SCMH1: variants seen among roughly 807,000 people sequenced by gnomAD.
The protein encoded by SCMH1 is Scm polycomb group protein homolog 1.
Under a neutral mutation model 70.8 loss-of-function variants are expected in SCMH1, and 37 were observed. The observed-to-expected ratio is 0.52, with a 90% CI of 0.40 to 0.69. The LOEUF is 0.69. Among genes scored for constraint, SCMH1 ranks in the 30% least tolerant of loss-of-function variants. The pLI is 0.00. For missense variants in SCMH1, 607 were observed against 827.3 expected (o/e 0.73, Z 3.27); for synonymous variants, 292 against 307.4 (o/e 0.95, Z 0.52).
intron 2 of SCMH1, among the ~76,000 whole-genome samples, chr1:41,173,918 T>C (rs1455924893): frequency 6.6e-6 from 1 of 151,818 alleles, no homozygotes; most frequent in African/African-American, 2.4e-5. Flanking sequence ...GTTGACCTCA[T>C]AGTAGACAGA....
intron 13 of SCMH1, among the ~76,000 whole-genome samples, chr1:41,030,688 G>A (rs898398215): frequency 7.2e-5 from 11 of 151,826 alleles, no homozygotes; most frequent in African/African-American, 2.4e-4. Context: ...AGTACATATC[G>A]TTACCTAAAA....
intron 1 of SCMH1, among the ~76,000 whole-genome samples, chr1:41,241,823 C>T (rs1452941274): frequency 1.3e-5 from 2 of 151,862 alleles, no homozygotes; most frequent in African/African-American, 4.8e-5. Context: ...CCCCGCCCGC[C>T]CGACCGCAGA....
chr1:41,211,331 A>T (rs949153241), intron 1 of SCMH1, among the ~76,000 whole-genome samples: 3 of 152,232 alleles, frequency 2.0e-5, no homozygotes, highest in African/African-American at 7.2e-5. Context: ...AAAAAAACAA[A>T]CAACCCCATC....
intron 5 of SCMH1, among the ~76,000 whole-genome samples, chr1:41,146,318 T>C (rs886756195): frequency 2.6e-5 from 4 of 152,160 alleles, no homozygotes; most frequent in African/African-American, 9.7e-5. Context: ...ATTAAGTTTA[T>C]AAAGCGAAAA....
chr1:41,099,463 T>C (rs1167282324), intron 8 of SCMH1, among the ~76,000 whole-genome samples: 1 of 152,220 alleles, frequency 6.6e-6, no homozygotes, highest in East Asian at 1.9e-4. Flanking sequence ...CATTCATTAA[T>C]TTACCCCATA....
intron 10 of SCMH1, among the ~76,000 whole-genome samples, chr1:41,053,884 G>A (rs1055215888): frequency 6.6e-5 from 10 of 151,074 alleles, no homozygotes; most frequent in African/African-American, 9.8e-5. Context: ...TTGCTCTGTC[G>A]CCCAGGCTGG....
chr1:41,098,549 C>T (rs1665707145), intron 8 of SCMH1: 1 of 152,074 alleles, frequency 6.6e-6, no homozygotes, highest in Non-Finnish European at 1.5e-5. Flanking sequence ...AGTGAAGTGA[C>T]AGTAAATTGC....
intron 6 of SCMH1, among the ~76,000 whole-genome samples, chr1:41,142,484 C>A (rs1393558170): frequency 6.6e-6 from 1 of 152,148 alleles, no homozygotes; most frequent in Non-Finnish European, 1.5e-5. Context: ...GATAAGAGAT[C>A]CTTATAACAG....
intron 6 of SCMH1, among the ~76,000 whole-genome samples, chr1:41,126,791 T>A (rs1459263268): frequency 1.3e-5 from 2 of 152,210 alleles, no homozygotes; most frequent in Non-Finnish European, 2.9e-5. Context: ...CTATATAACA[T>A]TCAATCAATC....
At chr1:41,148,984 G>A (rs1644831024) in intron 5 of SCMH1, among the ~76,000 whole-genome samples, 1 of 151,884 alleles carries the variant, frequency 6.6e-6, no homozygotes, top group South Asian at 2.1e-4. Flanking sequence ...GCAGAGATGG[G>A]GTTTCACCGT....
At chr1:41,135,585 CAATT>C (rs1643162335) in intron 6 of SCMH1, among the ~76,000 whole-genome samples, 1 of 152,160 alleles carries the variant, frequency 6.6e-6, no homozygotes, top group Admixed American at 6.5e-5. Flanking sequence ...AACTGTGAGT[CAATT>C]AAACCTCTTC....
chr1:41,149,534 T>C (rs887080669), intron 5 of SCMH1, among the ~76,000 whole-genome samples: 1 of 152,226 alleles, frequency 6.6e-6, no homozygotes, highest in African/African-American at 2.4e-5. Flanking sequence ...TGGTAGTCTT[T>C]GATTGAAAGT....
chr1:41,191,532 T>C (rs1437833226), intron 1 of SCMH1, among the ~76,000 whole-genome samples: 2 of 152,226 alleles, frequency 1.3e-5, no homozygotes, highest in African/African-American at 2.4e-5. Context: ...CAAAGTCACA[T>C]TGTGGTCTTT....
At chr1:41,119,832 T>C (rs902253832) in intron 6 of SCMH1, among the ~76,000 whole-genome samples, 3 of 152,090 alleles carry the variant, frequency 2.0e-5, no homozygotes, top group African/African-American at 7.2e-5. Context: ...GTTATATGAG[T>C]TAATAATTCC....
intron 8 of SCMH1, among the ~76,000 whole-genome samples, chr1:41,101,626 C>T (rs1666674061): frequency 6.6e-6 from 1 of 151,064 alleles, no homozygotes; most frequent in Non-Finnish European, 1.5e-5. Context: ...AGGTTGCCTT[C>T]CTTGAAGTGA....
chr1:41,048,191 CTG>C (rs1411373227), intron 11 of SCMH1, among the ~76,000 whole-genome samples: 5 of 152,186 alleles, frequency 3.3e-5, no homozygotes, highest in African/African-American at 1.2e-4. Flanking sequence ...GCAAAAAACA[CTG>C]TGTCACTGAA....
chr1:41,099,297 T>TA (rs1665942181), intron 8 of SCMH1, among the ~76,000 whole-genome samples: 2 of 152,226 alleles, frequency 1.3e-5, no homozygotes, highest in Admixed American at 1.3e-4. Flanking sequence ...CTTCTCATTC[T>TA]ACTCCCAACA....
intron 9 of SCMH1, among the ~76,000 whole-genome samples, chr1:41,073,198 A>T (rs1657115310): frequency 4.6e-5 from 7 of 152,196 alleles, no homozygotes; most frequent in Admixed American, 4.6e-4. Context: ...TCCTATAGTC[A>T]TCCAGTCCCT....
intron 5 of SCMH1, among the ~76,000 whole-genome samples, chr1:41,149,651 ATCT>A (rs1572626126): frequency 6.6e-6 from 1 of 152,174 alleles, no homozygotes; most frequent in Non-Finnish European, 1.5e-5. Flanking sequence ...AAGTAGTTTG[ATCT>A]TCTTGAGTTT....
Sources: gnomAD v4.1 joint callset for allele counts (sites outside exome capture counted in the v4.1 genomes callset) on GRCh38, gnomAD v4.1.1 for gene constraint, MANE v1.5 for transcripts, NCBI Gene and HGNC (gene_info 2026-07-23, HGNC 2026-07-21) for gene names.